Variants in RASAL2 observed in about 807,000 individuals in gnomAD.
RASAL2 encodes the protein ras GTPase-activating protein nGAP.
Under a neutral mutation model 128.9 loss-of-function variants are expected in RASAL2, and 58 were observed. The ratio of observed to expected loss-of-function variants is 0.45; its 90% CI spans 0.36 to 0.56. The LOEUF (loss-of-function observed/expected upper bound fraction) is 0.56, where lower values mean the gene tolerates loss of function less well. RASAL2 is among the 20% of genes least tolerant of loss of function. The pLI, the probability that RASAL2 is intolerant of heterozygous loss-of-function variation, is 0.00. For synonymous variants in RASAL2, 561 were observed against 580.8 expected (o/e 0.97, Z 0.49); for missense variants, 1,360 against 1,601.6 (o/e 0.85, Z 2.57).
chr1:178,293,321 A>G (rs188368701), intron 2 of RASAL2, among the ~76,000 whole-genome samples: 1 of 152,372 alleles, frequency 6.6e-6, no homozygotes, highest in East Asian at 1.9e-4. Context: ...TTAAGATGCC[A>G]CTGGCAATGG....
At chr1:178,441,889 T>C (rs1055850220) in intron 7 of RASAL2, among the ~76,000 whole-genome samples, 2 of 152,148 alleles carry the variant, frequency 1.3e-5, no homozygotes, top group African/African-American at 4.8e-5. Flanking sequence ...ACAGGAAGCA[T>C]GGTGCTGTTA....
At chr1:178,371,379 T>C (rs1221423382) in intron 3 of RASAL2, among the ~76,000 whole-genome samples, 2 of 114,094 alleles carry the variant, frequency 1.8e-5, no homozygotes, top group Admixed American at 8.8e-5. Context: ...CACACACACT[T>C]CCTTTCTTTC....
chr1:178,434,483 A>G (rs779230994), intron 5 of RASAL2, among the ~76,000 whole-genome samples: 1 of 152,134 alleles, frequency 6.6e-6, no homozygotes, highest in Non-Finnish European at 1.5e-5. Flanking sequence ...CTTCATCATT[A>G]CCAGCTGGTC....
At chr1:178,335,821 C>A (rs1416299980) in intron 3 of RASAL2, among the ~76,000 whole-genome samples, 2 of 151,982 alleles carry the variant, frequency 1.3e-5, no homozygotes, top group East Asian at 3.9e-4. Context: ...AGGAAAAGAG[C>A]AATAGCTTCT....
chr1:178,138,571 A>C (rs551747515), intron 1 of RASAL2, among the ~76,000 whole-genome samples: 2 of 152,172 alleles, frequency 1.3e-5, no homozygotes, highest in South Asian at 4.1e-4. Context: ...CATTTCTCTC[A>C]TCTCTAAAAT....
chr1:178,396,601 G>T (rs1235218402), intron 4 of RASAL2, among the ~76,000 whole-genome samples: 2 of 151,946 alleles, frequency 1.3e-5, no homozygotes, highest in African/African-American at 4.8e-5. Flanking sequence ...TACTCAGCAA[G>T]GTATGAGAAT....
chr1:178,447,746 T>C (rs1398670307), intron 9 of RASAL2, among the ~76,000 whole-genome samples: 1 of 142,548 alleles, frequency 7.0e-6, no homozygotes, highest in African/African-American at 2.7e-5. Flanking sequence ...ACTGTAATCA[T>C]GCAAGTAAGA....
At chr1:178,105,785 G>C (rs1659066407) in intron 1 of RASAL2, among the ~76,000 whole-genome samples, 1 of 151,626 alleles carries the variant, frequency 6.6e-6, no homozygotes, top group South Asian at 2.1e-4. Context: ...CAGGCTCAAG[G>C]GATCCTCCCA....
chr1:178,279,842 C>CT (rs1393776576), intron 1 of RASAL2, among the ~76,000 whole-genome samples: 1 of 152,124 alleles, frequency 6.6e-6, no homozygotes, highest in Non-Finnish European at 1.5e-5. Context: ...TACTTGAAGT[C>CT]TTTTCTGATG....
chr1:178,254,631 C>G (rs1665232653), intron 1 of RASAL2, among the ~76,000 whole-genome samples: 1 of 152,178 alleles, frequency 6.6e-6, no homozygotes. Flanking sequence ...GAGACTGTTG[C>G]AACCAAATCT....
chr1:178,451,523 AG>A, intron 9 of RASAL2, 47 bp from the exon 10 acceptor site: 1 of 1,573,122 alleles, frequency 6.4e-7, no homozygotes, highest in African/African-American at 1.4e-5. Flanking sequence ...TATTCTATTC[AG>A]GAAGACACTG....
chr1:178,409,701 G>C (rs910112286), intron 4 of RASAL2, among the ~76,000 whole-genome samples: 5 of 152,140 alleles, frequency 3.3e-5, no homozygotes, highest in African/African-American at 1.2e-4. Context: ...TCCATCCCTT[G>C]ACCAGTCATA....
chr1:178,200,164 A>G (rs1662813710), intron 1 of RASAL2, among the ~76,000 whole-genome samples: 2 of 152,214 alleles, frequency 1.3e-5, no homozygotes, highest in African/African-American at 4.8e-5. Context: ...CCTGACTAAT[A>G]CAAATTTTGG....
At chr1:178,111,910 G>A (rs963748917) in intron 1 of RASAL2, among the ~76,000 whole-genome samples, 1 of 151,872 alleles carries the variant, frequency 6.6e-6, no homozygotes, top group Non-Finnish European at 1.5e-5. Flanking sequence ...TTGTATTTTT[G>A]TAGAGACAGA....
intron 1 of RASAL2, among the ~76,000 whole-genome samples, chr1:178,101,748 A>G (rs1658908400): frequency 6.6e-6 from 1 of 152,210 alleles, no homozygotes; most frequent in Admixed American, 6.5e-5. Flanking sequence ...ACAGTTTGTC[A>G]GGATTGGAAC....
Position 178,099,555 on chromosome 1 carries a change from G to A in RASAL2, c.202+4861G>A, listed in dbSNP as rs150173853. 8.2e-3 allele frequency among the ~76,000 whole-genome samples: 1,247 copies of A among 152,296 alleles called. 18 individuals carry two copies. The highest frequency in any genetic ancestry group is 0.028 in the African/African-American group (1,173 of 41,550). On this transcript the variant is annotated intron_variant, in intron 1 of 17. Coordinates refer to ENST00000367649, the MANE Select transcript of RASAL2 (RefSeq NM_170692.4). Reference sequence around the variant, plus strand: ...CTACCCTCTATCATGTTGGTTCACTGCTATTTGATTTTCAAACAGTGAAAA... The same window carrying A: ...CTACCCTCTATCATGTTGGTTCACTACTATTTGATTTTCAAACAGTGAAAA...
chr1:178,147,479 CAAAAA>C (rs71297899), intron 1 of RASAL2, among the ~76,000 whole-genome samples: 1 of 82,974 alleles, frequency 1.2e-5, no homozygotes. Context: ...GACTCCGTCT[CAAAAA>C]AAAAAAAAAA....
At chr1:178,343,254 T>G (rs779090483) in intron 3 of RASAL2, among the ~76,000 whole-genome samples, 4 of 152,200 alleles carry the variant, frequency 2.6e-5, no homozygotes, top group African/African-American at 4.8e-5. Context: ...TTATAAGGAA[T>G]AGTTTCATTA....
intron 1 of RASAL2, among the ~76,000 whole-genome samples, chr1:178,128,447 G>A (rs1659978737): frequency 6.6e-6 from 1 of 152,006 alleles, no homozygotes; most frequent in Non-Finnish European, 1.5e-5. Flanking sequence ...ATCTCACATT[G>A]GTGATGTTAT....
Sources: allele counts gnomAD v4.1 joint callset (sites outside exome capture counted in the v4.1 genomes callset), GRCh38; gene constraint gnomAD v4.1.1; transcripts MANE v1.5; gene names NCBI Gene and HGNC (gene_info 2026-07-23, HGNC 2026-07-21).